Variants in TRPM8 observed in about 807,000 individuals in gnomAD.
The protein encoded by TRPM8 is transient receptor potential cation channel subfamily M member 8.
A neutral mutation model predicts 133.7 loss-of-function variants in TRPM8; 110 were observed. The observed-to-expected ratio is 0.82, with a 90% CI of 0.70 to 0.96. The LOEUF is 0.96. Ranked by LOEUF, TRPM8 falls within the 40% of genes least tolerant of loss-of-function variation. The pLI, the probability that TRPM8 is intolerant of heterozygous loss-of-function variation, is 0.00. For missense variants in TRPM8, 1,291 were observed against 1,379.5 expected, an observed-to-expected ratio of 0.94 and a Z score of 1.02; for synonymous variants, 535 against 532.3, an observed-to-expected ratio of 1.01 and a Z score of -0.07.
intron 22 of TRPM8, 104 bp downstream of exon 22, chr2:233,996,620 T>C: frequency 1.9e-6 from 2 of 1,056,378 alleles, no homozygotes; most frequent in Non-Finnish European, 2.8e-6. Context: ...CACAGATCTT[T>C]CACTGTTCAC....
intron 21 of TRPM8, among the ~76,000 whole-genome samples, chr2:233,988,957 C>A (rs976631786): frequency 6.6e-6 from 1 of 152,196 alleles, no homozygotes; most frequent in African/African-American, 2.4e-5. Flanking sequence ...CTTTTCTTTA[C>A]AGTGATAAGA....
intron 12 of TRPM8, among the ~76,000 whole-genome samples, chr2:233,961,368 G>A (rs996837389): frequency 6.6e-6 from 1 of 150,558 alleles, no homozygotes; most frequent in African/African-American, 2.4e-5. Flanking sequence ...TGCAGTGGCC[G>A]AATCTCAGCT....
Position 234,003,574 on chromosome 2 carries a change from C to T in TRPM8, c.3131-3279C>T, listed in dbSNP as rs1049239298. Reference sequence around the variant, plus strand: ...GTTCTGTCTTGAAGCCATGTCACGGCTGGTGGCTATAGGACCTGGGAGAAG... The same window carrying T: ...GTTCTGTCTTGAAGCCATGTCACGGTTGGTGGCTATAGGACCTGGGAGAAG... On this transcript the variant is annotated intron_variant, in intron 22 of 25. Coordinates refer to ENST00000324695, the MANE Select transcript of TRPM8 (RefSeq NM_024080.5). Among the ~76,000 whole-genome samples the T allele has an allele frequency of 3.0e-4, 46 of 152,312 alleles. No individual in the cohort carries two copies. In the East Asian group the frequency reaches 4.2e-3, roughly 14 times the overall value.
intron 21 of TRPM8, among the ~76,000 whole-genome samples, chr2:233,991,909 A>C (rs888567461): frequency 1.3e-5 from 2 of 152,154 alleles, no homozygotes. Context: ...ATTCTTGTGA[A>C]TATTATTATG....
intron 10 of TRPM8, among the ~76,000 whole-genome samples, chr2:233,954,838 A>G (rs1326602440): frequency 6.6e-6 from 1 of 152,208 alleles, no homozygotes; most frequent in Non-Finnish European, 1.5e-5. Flanking sequence ...ATATAATACT[A>G]TGGAATCTGA....
intron 2 of TRPM8, among the ~76,000 whole-genome samples, chr2:233,927,864 T>TCTCTCTC (rs1559516549): frequency 5.1e-5 from 2 of 38,860 alleles, no homozygotes; most frequent in Admixed American, 2.8e-4. Flanking sequence ...TTCTTTCTCT[T>TCTCTCTC]TCTTTCTTTC....
chr2:233,987,665 C>A (rs1692177525), intron 21 of TRPM8, among the ~76,000 whole-genome samples: 1 of 152,204 alleles, frequency 6.6e-6, no homozygotes, highest in East Asian at 1.9e-4. Context: ...TAAAACATCA[C>A]CGATGTAGTT....
chr2:233,999,829 T>C (rs1376963891), intron 22 of TRPM8, among the ~76,000 whole-genome samples: 1 of 152,190 alleles, frequency 6.6e-6, no homozygotes, highest in Non-Finnish European at 1.5e-5. Context: ...GCAGCTGCAT[T>C]CACCCCTGGA....
At chr2:233,927,812 C>T (rs1409342993) in intron 2 of TRPM8, among the ~76,000 whole-genome samples, 3 of 62,670 alleles carry the variant, frequency 4.8e-5, no homozygotes, top group Admixed American at 1.8e-4. Context: ...TCCTTCCTTC[C>T]TTCCTTCCTT....
intron 11 of TRPM8, among the ~76,000 whole-genome samples, chr2:233,958,364 C>T (rs780657341): frequency 6.6e-6 from 1 of 152,162 alleles, no homozygotes; most frequent in Non-Finnish European, 1.5e-5. Flanking sequence ...ATGTGACTGA[C>T]GGCAAAGCCT....
chr2:233,928,183 A>G lies in TRPM8; in HGVS notation c.117+1529A>G, dbSNP rs1691606111. On this transcript the variant is annotated intron_variant, in intron 2 of 25. Transcript: ENST00000324695. ...ACGGGGTTTCACTGTGTTAGCCAGG[A>G]TGGTCTCGATCTCCTGACCTCGTGA... Among the ~76,000 whole-genome samples the G allele has an allele frequency of 2.6e-5, 4 of 151,630 alleles. No individual in the cohort carries two copies. In the South Asian group the frequency reaches 8.4e-4, roughly 32 times the overall value.
chr2:233,991,082 G>C (rs1323129447), intron 21 of TRPM8, among the ~76,000 whole-genome samples: 4 of 152,076 alleles, frequency 2.6e-5, no homozygotes, highest in Admixed American at 2.6e-4. Flanking sequence ...CCAAGTGTTG[G>C]TAGGAGAGGT....
chr2:233,945,751 G>A (rs1691025292), intron 6 of TRPM8, 105 bp from the exon 7 acceptor site: 2 of 1,002,856 alleles, frequency 2.0e-6, no homozygotes, highest in South Asian at 3.2e-5. Flanking sequence ...GAGGCATAAT[G>A]TGATTGAACC....
At chr2:233,935,996 C>A (rs1690725373) in intron 3 of TRPM8, among the ~76,000 whole-genome samples, 1 of 152,028 alleles carries the variant, frequency 6.6e-6, no homozygotes, top group Admixed American at 6.6e-5. Flanking sequence ...CCTCATTAAT[C>A]ATTGATTTGC....
rs143487123 is a variant in TRPM8 at position 233,953,643 on chromosome 2, G to GACACACAC, written c.1141-262_1141-255dup. 7.2e-5 allele frequency: 17 copies of GACACACAC among 236,200 alleles called. No homozygotes were observed. The South Asian group carries it at 9.8e-4, about 14-fold the overall frequency. The allele number at this position is 236,200 out of a possible 1,614,324, so 14.6% of individuals were successfully genotyped here. A position where few individuals can be genotyped will look rare whatever the true frequency, so the allele number is the denominator to read the frequency against. ...GCATCTGCCATGTGCCAGGCTTTGTGACACACACACACACACACAGCACCT... is the reference window on the plus strand; with the variant it reads ...GCATCTGCCATGTGCCAGGCTTTGTGACACACACACACACACACACACACACAGCACCT... On this transcript the variant is annotated intron_variant, in intron 9 of 25. Transcript: ENST00000324695.
intron 22 of TRPM8, among the ~76,000 whole-genome samples, chr2:233,998,447 G>C (rs1692463583): frequency 6.6e-6 from 1 of 152,220 alleles, no homozygotes; most frequent in Admixed American, 6.5e-5. Context: ...TTAGTACTGA[G>C]AGTCCTGCAT....
chr2:233,933,876 G>A (rs1296304637), intron 3 of TRPM8: 1 of 167,074 alleles, frequency 6.0e-6, no homozygotes, highest in African/African-American at 2.4e-5. Flanking sequence ...GAAGAGAGAG[G>A]GCTAAGAACA....
intron 12 of TRPM8, among the ~76,000 whole-genome samples, chr2:233,961,612 C>CTTCTTTTCTT: frequency 7.4e-6 from 1 of 134,940 alleles, no homozygotes; most frequent in African/African-American, 2.9e-5. Flanking sequence ...CCTCTTTTTT[C>CTTCTTTTCTT]TTCTTTTCTT....
intron 24 of TRPM8, chr2:234,013,698 G>A (rs367637991): frequency 6.6e-6 from 1 of 151,966 alleles, no homozygotes; most frequent in East Asian, 1.9e-4. Flanking sequence ...ACAAATACAA[G>A]GCTCTTTCAA....
Sources: allele counts gnomAD v4.1 joint callset (sites outside exome capture counted in the v4.1 genomes callset), GRCh38; gene constraint gnomAD v4.1.1; transcripts MANE v1.5; gene names NCBI Gene and HGNC (gene_info 2026-07-23, HGNC 2026-07-21).